The following CLEC10A variants were observed in gnomAD, a reference collection of about 807,000 sequenced individuals.
CLEC10A encodes C-type lectin domain family 10 member A.
Under a neutral mutation model 42.0 loss-of-function variants are expected in CLEC10A, and 38 were observed. That is an observed-to-expected ratio of 0.90 (90% CI 0.70 to 1.18). The LOEUF is 1.18. Among genes scored for constraint, CLEC10A ranks in the 50% most tolerant of loss-of-function variants. The probability of loss-of-function intolerance (pLI) is 0.00; values close to 1 mark genes in which losing one functional copy is unlikely to be tolerated. For missense variants in CLEC10A, 298 were observed against 345.9 expected (o/e 0.86, Z 1.10); for synonymous variants, 126 against 139.9 (o/e 0.90, Z 0.70).
At chr17:7,075,487 T>C in intron 7 of CLEC10A, 21 bp from the exon 8 acceptor site, 1 of 1,523,498 alleles carries the variant, frequency 6.6e-7, no homozygotes, top group South Asian at 1.3e-5. Context: ...AGAAGGGCAG[T>C]GGTGACTTCT....
chr17:7,078,529 C>A (rs532286327), intron 2 of CLEC10A: 1 of 587,902 alleles, frequency 1.7e-6, no homozygotes, highest in South Asian at 2.1e-5. Context: ...ATCCCCACCC[C>A]ACAGAGCATC....
intron 1 of CLEC10A, 50 bp from the exon 2 acceptor site, chr17:7,078,935 G>T: frequency 1.2e-6 from 1 of 845,302 alleles, no homozygotes; most frequent in African/African-American, 1.7e-5. Context: ...CAGGGCTGAC[G>T]TTGAGTTGGG....
At position 7,074,840 on chromosome 17, in the gene CLEC10A, C is replaced by A; in HGVS notation, c.*214G>T. On this transcript the variant is annotated 3_prime_UTR_variant, in exon 9 of 9. Coordinates refer to ENST00000416562, the MANE Select transcript of CLEC10A (RefSeq NM_001330070.2). ...TTTTATTATGTAAAAATTATACCTTCATGAAGTTGACTTTCAAAAGTTGGA... is the reference window on the plus strand; with the variant it reads ...TTTTATTATGTAAAAATTATACCTTAATGAAGTTGACTTTCAAAAGTTGGA... The A allele has an allele frequency of 5.0e-6, 2 of 403,962 alleles. No homozygotes were observed. The highest frequency in any genetic ancestry group is 8.6e-6 in the Non-Finnish European group (2 of 231,258). 25.0% of individuals were successfully genotyped at this position (403,962 alleles called of 1,614,324 possible).
Position 7,076,830 on chromosome 17 carries a change from G to A in CLEC10A, c.281-26C>T, listed in dbSNP as rs763205260. ...CTGGAGGACACGGAGACTTGGCTTA[G>A]GGGTCAACTTCCTCCTCCCTGGCCT... On this transcript the variant is annotated intron_variant, in intron 4 of 8. Transcript: ENST00000416562. 7.4e-6 allele frequency: 12 copies of A among 1,613,916 alleles called. No homozygotes were observed. The Admixed American group carries it at 1.7e-4, about 22-fold the overall frequency.
chr17:7,077,121 A>G (rs1911808080), intron 3 of CLEC10A, 134 bp from the exon 4 acceptor site: 1 of 662,338 alleles, frequency 1.5e-6, no homozygotes. Flanking sequence ...ATTATTGTTC[A>G]ATATTGCCGA....
rs1329969956 is a variant in CLEC10A at position 7,075,343 on chromosome 17, A to G, written c.701+17T>C. The G allele has an allele frequency of 1.3e-6, 2 of 1,511,582 alleles. No homozygotes were observed. Among genetic ancestry groups the G allele is most frequent in the African/African-American group, 2.8e-5 (2 of 71,494 alleles). The allele number at this position is 1,511,582 out of a possible 1,614,324, so 93.6% of individuals were successfully genotyped here. A position where few individuals can be genotyped will look rare whatever the true frequency, so the allele number is the denominator to read the frequency against. ...GCTGACGGAGGACATTGGCACAGAAAGCCAGGGTGCACTCACTGGAAGCCG... is the reference window on the plus strand; with the variant it reads ...GCTGACGGAGGACATTGGCACAGAAGGCCAGGGTGCACTCACTGGAAGCCG... On this transcript the variant is annotated intron_variant, in intron 8 of 8. Transcript: ENST00000416562.
In CLEC10A at chr17:7,076,984, G is replaced by T. The variant is rs536151032; in HGVS notation, c.188C>A (p.Ser63Tyr). ...GGTCACCAGGTCCCTCTGAAATTTG[G>T]AATCTAAACAGGTGGATGGGAAGGT... ...VIICVVGFQN[S>Y]KFQRDLVTLR... Residue 63 changes from serine to tyrosine, a missense_variant, in exon 4 of 9, where the codon TCC becomes TAC. Ser to Tyr is a moderately radical substitution (Grantham distance 144). This residue lies in a region of CLEC10A where 267 missense variants were observed against 289.5 expected (regional missense o/e 0.92). Coordinates refer to ENST00000416562, the MANE Select transcript of CLEC10A (RefSeq NM_001330070.2). 2.4e-5 allele frequency: 39 copies of T among 1,610,744 alleles called. No homozygotes were observed. The East Asian group carries it at 7.6e-4, about 31-fold the overall frequency.
At chr17:7,077,904 A>G in intron 3 of CLEC10A, 93 bp downstream of exon 3, 1 of 954,334 alleles carries the variant, frequency 1.0e-6, no homozygotes, top group Non-Finnish European at 1.7e-6. Context: ...TGTGGACCTC[A>G]CCATCGCCCC....
chr17:7,078,235 A>G (rs917460573), intron 2 of CLEC10A, 122 bp from the exon 3 acceptor site: 11 of 681,866 alleles, frequency 1.6e-5, no homozygotes, highest in African/African-American at 5.5e-5. Context: ...GGAGGGTTGG[A>G]CAAGGAGGAT....
Position 7,075,861 on chromosome 17 carries a change from G to A in CLEC10A, c.464C>T (p.Pro155Leu), listed in dbSNP as rs755394592. 1.9e-6 allele frequency: 3 copies of A among 1,613,548 alleles called. No individual in the cohort carries two copies. The East Asian group carries it at 6.7e-5, about 36-fold the overall frequency. ...NNASTEGTCC[P>L]VNWVEHQDSC... ...GTCTTGGTGCTCCACCCAGTTGACA[G>A]GGCAGCAGGTCCCTTCAGTGGAGGC... Residue 155 changes from proline to leucine, a missense_variant, in exon 7 of 9, where the codon CCT becomes CTT. Transcript: ENST00000416562.
At chr17:7,078,656 G>A (rs1250901081) in intron 2 of CLEC10A, 90 bp downstream of exon 2, 1 of 1,250,534 alleles carries the variant, frequency 8.0e-7, no homozygotes, top group Non-Finnish European at 1.2e-6. Flanking sequence ...GGACCCACCA[G>A]TGCGCGTGGT....
intron 1 of CLEC10A, among the ~76,000 whole-genome samples, chr17:7,079,689 G>C (rs953509720): frequency 6.6e-6 from 1 of 152,150 alleles, no homozygotes; most frequent in South Asian, 2.1e-4. Flanking sequence ...CTGAGTCTGA[G>C]TCTTAGTTTA....
intron 7 of CLEC10A, 53 bp from the exon 8 acceptor site, chr17:7,075,519 A>G: frequency 6.8e-7 from 1 of 1,472,460 alleles, no homozygotes; most frequent in Non-Finnish European, 9.3e-7. Flanking sequence ...CCAACTCCTT[A>G]AACTAGTGAT....
chr17:7,077,463 A>T (rs1335612502), intron 3 of CLEC10A, among the ~76,000 whole-genome samples: 2 of 26,718 alleles, frequency 7.5e-5, no homozygotes, highest in Non-Finnish European at 1.4e-4. Context: ...AGTGCCCCCC[A>T]CCATTCCCAA....
intron 3 of CLEC10A, among the ~76,000 whole-genome samples, chr17:7,077,724 T>TCCCTC: frequency 6.9e-6 from 1 of 145,096 alleles, no homozygotes; most frequent in Non-Finnish European, 1.5e-5. Flanking sequence ...TTACCATCAA[T>TCCCTC]CACTCCATCA....
At chr17:7,079,535 G>A (rs2151689576) in intron 1 of CLEC10A, among the ~76,000 whole-genome samples, 1 of 151,862 alleles carries the variant, frequency 6.6e-6, no homozygotes, top group South Asian at 2.1e-4. Flanking sequence ...GTGAGCCGAG[G>A]TTGTGCCGTT....
At position 7,076,820 on chromosome 17, in the gene CLEC10A, A is replaced by C. The variant is rs768288750; in HGVS notation, c.281-16T>G. 5 of 1,613,732 alleles carry C rather than the reference A, an allele frequency of 3.1e-6. No individual in the cohort carries two copies. The highest frequency in any genetic ancestry group is 4.2e-6 in the Non-Finnish European group (5 of 1,179,916). ...AAGCTGCTGCCTGGAGGACACGGAG[A>C]CTTGGCTTAGGGGTCAACTTCCTCC... is the stretch of plus-strand genomic sequence containing the variant. On this transcript the variant is annotated splice_polypyrimidine_tract_variant and intron_variant, in intron 4 of 8. Coordinates refer to ENST00000416562, the MANE Select transcript of CLEC10A (RefSeq NM_001330070.2).
At chr17:7,076,307 CTT>C (rs1206807036) in intron 5 of CLEC10A, among the ~76,000 whole-genome samples, 1,604 of 121,056 alleles carry the variant, frequency 0.013, 22 homozygotes, top group African/African-American at 0.046. Flanking sequence ...TTCTTTCTTT[CTT>C]TTTTTTTTTT....
At position 7,075,858 on chromosome 17, in the gene CLEC10A, A is replaced by G; in HGVS notation, c.467T>C (p.Val156Ala). 2 of 1,613,754 alleles carry G rather than the reference A, an allele frequency of 1.2e-6. No homozygotes were observed. Among genetic ancestry groups the G allele is most frequent in the Non-Finnish European group, 1.7e-6 (2 of 1,179,848 alleles). Residue 156 changes from valine to alanine, a missense_variant, in exon 7 of 9, where the codon GTC becomes GCC. Coordinates refer to ENST00000416562, the MANE Select transcript of CLEC10A (RefSeq NM_001330070.2). ...NASTEGTCCP[V>A]NWVEHQDSCY... ...GCTGTCTTGGTGCTCCACCCAGTTG[A>G]CAGGGCAGCAGGTCCCTTCAGTGGA...
Sources: allele counts gnomAD v4.1 joint callset (sites outside exome capture counted in the v4.1 genomes callset), GRCh38; gene constraint gnomAD v4.1.1; regional missense constraint gnomAD v4.1.1; transcripts MANE v1.5; gene names NCBI Gene and HGNC (gene_info 2026-07-23, HGNC 2026-07-21).